HS6ST3: variants seen among roughly 807,000 people sequenced by gnomAD.
The protein encoded by HS6ST3 is heparan sulfate 6-O-sulfotransferase 3.
In HS6ST3, 12 loss-of-function variants were observed where a neutral mutation model predicts 36.7. That is an observed-to-expected ratio of 0.33 (90% CI 0.21 to 0.53). The LOEUF is 0.53. HS6ST3 is among the 20% of genes least tolerant of loss of function. HS6ST3 has a pLI of 0.95. For synonymous variants in HS6ST3, 240 were observed against 257.5 expected, an observed-to-expected ratio of 0.93 and a Z score of 0.65; for missense variants, 584 against 640.9, an observed-to-expected ratio of 0.91 and a Z score of 0.96.
At chr13:96,602,322 G>T (rs986301742) in intron 1 of HS6ST3, among the ~76,000 whole-genome samples, 2 of 152,052 alleles carry the variant, frequency 1.3e-5, no homozygotes, top group African/African-American at 2.4e-5. Context: ...TGTTCATTTG[G>T]TGATGTTATG....
intron 1 of HS6ST3, among the ~76,000 whole-genome samples, chr13:96,760,350 C>A (rs180841919): frequency 2.2e-4 from 33 of 151,934 alleles, no homozygotes; most frequent in Admixed American, 9.8e-4. Flanking sequence ...TTATTGACTT[C>A]ATATGGAATT....
At chr13:96,745,459 A>G (rs1166715415) in intron 1 of HS6ST3, among the ~76,000 whole-genome samples, 1 of 152,048 alleles carries the variant, frequency 6.6e-6, no homozygotes, top group Non-Finnish European at 1.5e-5. Flanking sequence ...ATACAATTCC[A>G]TGTCCGTTTA....
At position 96,837,782 on chromosome 13, in the gene HS6ST3, C is replaced by G. The variant is rs1330871835; in HGVS notation, c.*4584C>G. The G allele has an allele frequency of 6.6e-6, 1 of 151,048 alleles. No individual in the cohort carries two copies. Among genetic ancestry groups the G allele is most frequent in the Admixed American group, 6.6e-5 (1 of 15,112 alleles). The allele number at this position is 151,048 out of a possible 1,614,324, so 9.4% of individuals were successfully genotyped here. ...CTCAAAACCTATTCAATATGAAGGCCGAGGGAATGTGCTCACAACTCCCTA... is the reference window on the plus strand; with the variant it reads ...CTCAAAACCTATTCAATATGAAGGCGGAGGGAATGTGCTCACAACTCCCTA... On this transcript the variant is annotated 3_prime_UTR_variant, in exon 2 of 2. Transcript: ENST00000376705.
intron 1 of HS6ST3, among the ~76,000 whole-genome samples, chr13:96,261,841 A>AG (rs2054668093): frequency 6.6e-6 from 1 of 152,154 alleles, no homozygotes; most frequent in Non-Finnish European, 1.5e-5. Flanking sequence ...ATGAAGATAA[A>AG]GGTATTTTAT....
intron 1 of HS6ST3, among the ~76,000 whole-genome samples, chr13:96,510,598 C>T (rs536870049): frequency 7.0e-4 from 106 of 152,182 alleles, no homozygotes; most frequent in South Asian, 5.6e-3. Context: ...TGATTGATAG[C>T]CTTAGTGTGT....
At chr13:96,339,995 T>C (rs2055121984) in intron 1 of HS6ST3, among the ~76,000 whole-genome samples, 1 of 152,220 alleles carries the variant, frequency 6.6e-6, no homozygotes, top group Non-Finnish European at 1.5e-5. Context: ...TTTGGTCCAG[T>C]TGCGTAAGGT....
intron 1 of HS6ST3, among the ~76,000 whole-genome samples, chr13:96,572,622 A>T (rs1417731892): frequency 6.7e-6 from 1 of 149,540 alleles, no homozygotes; most frequent in African/African-American, 2.5e-5. Flanking sequence ...TTTTTTTGCC[A>T]ATTCACTTGT....
chr13:96,276,500 A>T (rs2054749222), intron 1 of HS6ST3, among the ~76,000 whole-genome samples: 1 of 152,202 alleles, frequency 6.6e-6, no homozygotes, highest in Non-Finnish European at 1.5e-5. Context: ...TCTGAAACTC[A>T]GTTTCTTTAT....
At chr13:96,724,760 T>TTATC (rs1262424157) in intron 1 of HS6ST3, among the ~76,000 whole-genome samples, 33 of 152,342 alleles carry the variant, frequency 2.2e-4, no homozygotes, top group African/African-American at 7.9e-4. Context: ...CATTATTTGT[T>TTATC]TATTCACCTA....
At chr13:96,546,326 G>T (rs1198598769) in intron 1 of HS6ST3, among the ~76,000 whole-genome samples, 2 of 149,208 alleles carry the variant, frequency 1.3e-5, no homozygotes, top group African/African-American at 5.2e-5. Context: ...GTGTGTGTGT[G>T]TGTGTTCACA....
At chr13:96,415,805 C>T (rs2055530144) in intron 1 of HS6ST3, among the ~76,000 whole-genome samples, 1 of 152,200 alleles carries the variant, frequency 6.6e-6, no homozygotes, top group Non-Finnish European at 1.5e-5. Context: ...GCCTGTCATA[C>T]TCCACTTATC....
chr13:96,229,322 T>C (rs1313944854), intron 1 of HS6ST3, among the ~76,000 whole-genome samples: 1 of 152,194 alleles, frequency 6.6e-6, no homozygotes, highest in Non-Finnish European at 1.5e-5. Flanking sequence ...AGAATTAGAC[T>C]GGTGCATTAG....
At chr13:96,742,018 C>T (rs1313242637) in intron 1 of HS6ST3, among the ~76,000 whole-genome samples, 1 of 152,134 alleles carries the variant, frequency 6.6e-6, no homozygotes, top group Non-Finnish European at 1.5e-5. Flanking sequence ...CCAGATTAGG[C>T]TTTGTCATCT....
At chr13:96,522,696 T>TGTGC (rs2056098587) in intron 1 of HS6ST3, among the ~76,000 whole-genome samples, 1 of 152,060 alleles carries the variant, frequency 6.6e-6, no homozygotes, top group Non-Finnish European at 1.5e-5. Flanking sequence ...TGTGTGTGTG[T>TGTGC]GTGCTTTCCA....
chr13:96,755,155 C>A (rs1366599060), intron 1 of HS6ST3, among the ~76,000 whole-genome samples: 3 of 151,954 alleles, frequency 2.0e-5, no homozygotes, highest in Non-Finnish European at 4.4e-5. Flanking sequence ...GTACTCATTT[C>A]TGGTCAATTT....
At chr13:96,390,758 C>T (rs576966349) in intron 1 of HS6ST3, among the ~76,000 whole-genome samples, 1 of 152,280 alleles carries the variant, frequency 6.6e-6, no homozygotes, top group South Asian at 2.1e-4. Flanking sequence ...TCTTTCTGGG[C>T]AGCTGTGCTA....
intron 1 of HS6ST3, among the ~76,000 whole-genome samples, chr13:96,390,688 C>T (rs1034548909): frequency 2.0e-5 from 3 of 152,166 alleles, no homozygotes; most frequent in Admixed American, 1.3e-4. Flanking sequence ...CTCAATCTGT[C>T]ACCAAATCCT....
intron 1 of HS6ST3, among the ~76,000 whole-genome samples, chr13:96,184,959 A>C (rs2054258471): frequency 1.3e-5 from 2 of 152,194 alleles, no homozygotes; most frequent in African/African-American, 4.8e-5. Context: ...TTGACTGAAA[A>C]TATATATCTA....
intron 1 of HS6ST3, among the ~76,000 whole-genome samples, chr13:96,548,262 C>T (rs544352064): frequency 1.3e-5 from 2 of 152,092 alleles, no homozygotes; most frequent in East Asian, 1.9e-4. Flanking sequence ...GTAGGTTACA[C>T]GTCACATCCA....
Sources: allele counts gnomAD v4.1 joint callset (sites outside exome capture counted in the v4.1 genomes callset), GRCh38; gene constraint gnomAD v4.1.1; transcripts MANE v1.5; gene names NCBI Gene and HGNC (gene_info 2026-07-23, HGNC 2026-07-21).